VEPH1: variants seen among roughly 807,000 people sequenced by gnomAD.
The protein encoded by VEPH1 is ventricular zone expressed PH domain containing 1, also known as ventricular zone-expressed PH domain-containing protein homolog 1.
A neutral mutation model predicts 85.2 loss-of-function variants in VEPH1; 80 were observed. The ratio of observed to expected loss-of-function variants is 0.94; its 90% CI spans 0.78 to 1.13. The LOEUF is 1.13. Among genes scored for constraint, VEPH1 ranks in the 50% most tolerant of loss-of-function variants. The probability of loss-of-function intolerance (pLI) is 0.00; values close to 1 mark genes in which losing one functional copy is unlikely to be tolerated. For synonymous variants in VEPH1, 297 were observed against 348.0 expected, an observed-to-expected ratio of 0.85 and a Z score of 1.63; for missense variants, 955 against 980.5, an observed-to-expected ratio of 0.97 and a Z score of 0.35.
chr3:157,272,362 T>TTC lies in VEPH1; in HGVS notation c.2129-6702_2129-6701dup, dbSNP rs1398903421. 9.4e-3 allele frequency among the ~76,000 whole-genome samples: 1,207 copies of TTC among 127,940 alleles called. 14 individuals carry two copies. The highest frequency in any genetic ancestry group is 0.013 in the Non-Finnish European group (760 of 58,022). 83.9% of individuals were successfully genotyped at this position (127,940 alleles called of 152,430 possible). On this transcript the variant is annotated intron_variant, in intron 12 of 13. Coordinates refer to ENST00000362010, the MANE Select transcript of VEPH1 (RefSeq NM_001167912.2). ...TCTTTCTCTTTTTCTCTCTCTTTCT[T>TTC]TCTTTCTCTTTCTTTTCTTTCTTTC... is the stretch of plus-strand genomic sequence containing the variant.
At chr3:157,431,834 T>TTA (rs1423319116) in intron 4 of VEPH1, among the ~76,000 whole-genome samples, 4 of 149,604 alleles carry the variant, frequency 2.7e-5, no homozygotes, top group African/African-American at 9.8e-5. Context: ...ATATAACAAA[T>TTA]TATATATATA....
At chr3:157,476,082 C>T (rs1452939672) in intron 2 of VEPH1, among the ~76,000 whole-genome samples, 2 of 152,230 alleles carry the variant, frequency 1.3e-5, no homozygotes, top group African/African-American at 4.8e-5. Context: ...CCTCTGTCAT[C>T]AGTCACTCCA....
intron 3 of VEPH1, among the ~76,000 whole-genome samples, chr3:157,465,832 C>G (rs959677575): frequency 6.6e-6 from 1 of 152,114 alleles, no homozygotes; most frequent in African/African-American, 2.4e-5. Flanking sequence ...TTCTATTACC[C>G]CTGTTACCCT....
chr3:157,322,690 G>T lies in VEPH1; in HGVS notation c.1736-5489C>A, dbSNP rs1277702471. On this transcript the variant is annotated intron_variant, in intron 9 of 13. Transcript: ENST00000362010. ...TGCACTTGGCACTCACGACAAGCTA[G>T]ATGACAACAGGAGGAGTTTTCTTCT... Among the ~76,000 whole-genome samples the T allele has an allele frequency of 2.0e-5, 3 of 152,292 alleles. No homozygotes were observed. In the East Asian group the frequency reaches 5.8e-4, roughly 29 times the overall value.
chr3:157,404,918 T>C (rs1466380192), intron 6 of VEPH1, among the ~76,000 whole-genome samples: 3 of 152,216 alleles, frequency 2.0e-5, no homozygotes, highest in Admixed American at 6.5e-5. Context: ...ACTCACCTGC[T>C]GCCAATGCCC....
intron 2 of VEPH1, among the ~76,000 whole-genome samples, chr3:157,494,518 T>C (rs1035442295): frequency 3.9e-5 from 6 of 152,124 alleles, no homozygotes; most frequent in African/African-American, 1.2e-4. Flanking sequence ...TATATAATCT[T>C]GACATTGAAG....
chr3:157,447,482 G>A (rs925747854), intron 4 of VEPH1, among the ~76,000 whole-genome samples: 1 of 151,932 alleles, frequency 6.6e-6, no homozygotes, highest in African/African-American at 2.4e-5. Flanking sequence ...TTGTTTTATG[G>A]TGAACTTAAA....
intron 9 of VEPH1, among the ~76,000 whole-genome samples, chr3:157,327,191 A>T (rs969615938): frequency 3.9e-5 from 6 of 152,158 alleles, no homozygotes; most frequent in Non-Finnish European, 8.8e-5. Context: ...CCACACCCCT[A>T]TCCAGGGACA....
chr3:157,262,282 TTA>T lies in VEPH1; in HGVS notation c.2266-914_2266-913del, dbSNP rs553709860. 3.3e-5 allele frequency among the ~76,000 whole-genome samples: 5 copies of T among 152,280 alleles called. No individual in the cohort carries two copies. In the South Asian group the frequency reaches 1.0e-3, roughly 32 times the overall value. On this transcript the variant is annotated intron_variant, in intron 13 of 13. Coordinates refer to ENST00000362010, the MANE Select transcript of VEPH1 (RefSeq NM_001167912.2). ...ATGTAATCACTCCTCATCTATTTCATTATGAGATACATTTTCAATAATATTTC... is the reference window on the plus strand; with the variant it reads ...ATGTAATCACTCCTCATCTATTTCATTGAGATACATTTTCAATAATATTTC...
chr3:157,431,585 A>C (rs1271613547), intron 4 of VEPH1, among the ~76,000 whole-genome samples: 1 of 152,010 alleles, frequency 6.6e-6, no homozygotes, highest in Non-Finnish European at 1.5e-5. Flanking sequence ...TCTGAAATGC[A>C]TATTACATAA....
intron 3 of VEPH1, among the ~76,000 whole-genome samples, chr3:157,469,352 C>T (rs7650743): frequency 0.016 from 2,472 of 152,286 alleles, 34 homozygotes; most frequent in Non-Finnish European, 0.026. Context: ...AAAGGACGCT[C>T]ATATCAGCTG....
At chr3:157,307,546 C>G (rs1275369403) in intron 11 of VEPH1, among the ~76,000 whole-genome samples, 1 of 151,942 alleles carries the variant, frequency 6.6e-6, no homozygotes, top group Non-Finnish European at 1.5e-5. Context: ...CCCCTTCTAT[C>G]ACCTACCAAG....
intron 4 of VEPH1, chr3:157,442,887 G>A (rs774290655): frequency 1.2e-5 from 19 of 1,614,072 alleles, no homozygotes; most frequent in African/African-American, 5.3e-5. Flanking sequence ...AAGAGAGACC[G>A]GAGGAGCAGA....
chr3:157,500,992 T>C lies in VEPH1; in HGVS notation c.-158+2285A>G, dbSNP rs77877281. Reference sequence around the variant, plus strand: ...AACATTTAACACAGAGCCTGGCATATGGCAACCACAGAAAAAGTGCCAGCA... The same window carrying C: ...AACATTTAACACAGAGCCTGGCATACGGCAACCACAGAAAAAGTGCCAGCA... On this transcript the variant is annotated intron_variant, in intron 1 of 13. Coordinates refer to ENST00000362010, the MANE Select transcript of VEPH1 (RefSeq NM_001167912.2). Among the ~76,000 whole-genome samples, 295 of 152,308 alleles carry C rather than the reference T, an allele frequency of 1.9e-3. 8 individuals carry two copies. The East Asian group carries it at 0.054, about 28-fold the overall frequency.
intron 9 of VEPH1, among the ~76,000 whole-genome samples, chr3:157,362,302 A>T (rs1726139012): frequency 2.0e-5 from 3 of 152,168 alleles, no homozygotes; most frequent in African/African-American, 7.2e-5. Context: ...AAGTGCTTGG[A>T]TTACAGGCAT....
intron 13 of VEPH1, among the ~76,000 whole-genome samples, chr3:157,261,613 G>A (rs1712913969): frequency 6.6e-6 from 1 of 152,088 alleles, no homozygotes; most frequent in African/African-American, 2.4e-5. Flanking sequence ...ATTATAAAGT[G>A]GGATTTGGGA....
chr3:157,437,663 G>C, intron 4 of VEPH1: 2 of 1,541,142 alleles, frequency 1.3e-6, no homozygotes, highest in Non-Finnish European at 1.7e-6. Context: ...GAGCTGGGCC[G>C]GCTCGCGGAA....
chr3:157,344,265 A>G (rs1382400496), intron 9 of VEPH1, among the ~76,000 whole-genome samples: 2 of 152,210 alleles, frequency 1.3e-5, no homozygotes, highest in African/African-American at 2.4e-5. Context: ...ACATGATTGT[A>G]TATTTAGAAA....
At chr3:157,433,863 A>T (rs554770498) in intron 4 of VEPH1, among the ~76,000 whole-genome samples, 1 of 152,256 alleles carries the variant, frequency 6.6e-6, no homozygotes, top group Non-Finnish European at 1.5e-5. Context: ...TACTCTATAT[A>T]CTTCATTATA....
Sources: gnomAD v4.1 joint callset for allele counts (sites outside exome capture counted in the v4.1 genomes callset) on GRCh38, gnomAD v4.1.1 for gene constraint, MANE v1.5 for transcripts, NCBI Gene and HGNC (gene_info 2026-07-23, HGNC 2026-07-21) for gene names.